Variants in MACROD1 observed in about 807,000 individuals in gnomAD.
MACROD1 encodes the protein mono-ADP ribosylhydrolase 1, also known as ADP-ribose glycohydrolase MACROD1.
A neutral mutation model predicts 41.4 loss-of-function variants in MACROD1; 31 were observed. The ratio of observed to expected loss-of-function variants is 0.75; its 90% CI spans 0.56 to 1.01. The LOEUF (loss-of-function observed/expected upper bound fraction) is 1.01, where lower values mean the gene tolerates loss of function less well. MACROD1 is among the 50% of genes least tolerant of loss of function. The pLI is 0.00. For synonymous variants in MACROD1, 252 were observed against 203.4 expected (o/e 1.24, Z -2.03); for missense variants, 473 against 460.0 (o/e 1.03, Z -0.26).
Position 64,068,502 on chromosome 11 carries a change from T to C in MACROD1, c.518-53221A>G, listed in dbSNP as rs570453777. Among the ~76,000 whole-genome samples the C allele has an allele frequency of 5.3e-5, 8 of 152,250 alleles. No individual in the cohort carries two copies. In the East Asian group the frequency reaches 1.2e-3, roughly 22 times the overall value. On this transcript the variant is annotated intron_variant, in intron 3 of 10. Transcript: ENST00000255681. ...ATTGGAGCCCTCCACAAACATGAGGTCCTAGGATAACGATGGTTGTCTCCC... is the reference window on the plus strand; with the variant it reads ...ATTGGAGCCCTCCACAAACATGAGGCCCTAGGATAACGATGGTTGTCTCCC...
rs11354064 is a variant in MACROD1, at chr11:64,072,423, T to TA, written c.518-57143dup. ...AGAAGGTCAGCTGATCCGGCTCATT[T>TA]AAAAAAAAAAAAATAATAATTACAT... On this transcript the variant is annotated intron_variant, in intron 3 of 10. Transcript: ENST00000255681. Among the ~76,000 whole-genome samples the TA allele has an allele frequency of 2.0e-3, 300 of 146,572 alleles. 2 individuals carry two copies. The highest frequency in any genetic ancestry group is 0.01 in the Middle Eastern group (3 of 290).
intron 3 of MACROD1, chr11:64,119,273 A>C (rs1459878642): frequency 3.2e-5 from 5 of 155,430 alleles, no homozygotes; most frequent in East Asian, 1.9e-4. Flanking sequence ...CTGTTCCTAA[A>C]GGCTGAGGTG....
intron 6 of MACROD1, 24 bp from the exon 7 acceptor site, chr11:63,999,584 G>A: frequency 6.2e-7 from 1 of 1,610,528 alleles, no homozygotes; most frequent in Non-Finnish European, 8.5e-7. Flanking sequence ...GGTGAGAGGG[G>A]GTTGGAACAT....
At chr11:64,130,588 T>A (rs1461114055) in intron 3 of MACROD1, among the ~76,000 whole-genome samples, 1 of 152,152 alleles carries the variant, frequency 6.6e-6, no homozygotes, top group African/African-American at 2.4e-5. Flanking sequence ...CCCGGACGCA[T>A]GGGAGGGCAC....
chr11:64,079,346 G>A (rs987159197), intron 3 of MACROD1, among the ~76,000 whole-genome samples: 91 of 151,882 alleles, frequency 6.0e-4, no homozygotes, highest in African/African-American at 2.1e-3. Flanking sequence ...GGGAGGTTAC[G>A]GTTAAAGGGG....
At chr11:64,101,022 G>A (rs1214050400) in intron 3 of MACROD1, among the ~76,000 whole-genome samples, 1 of 152,170 alleles carries the variant, frequency 6.6e-6, no homozygotes, top group East Asian at 1.9e-4. Flanking sequence ...TGAGCCAGGT[G>A]CTGGGGGATC....
At chr11:64,116,834 G>C (rs775202762) in intron 3 of MACROD1, 2 of 1,612,862 alleles carry the variant, frequency 1.2e-6, no homozygotes, top group South Asian at 1.1e-5. Flanking sequence ...GGAACCACCT[G>C]AGCAGCATCC....
In MACROD1 at chr11:64,099,823, GGATA is replaced by G. The variant is rs772698385; in HGVS notation, c.517+51412_517+51415del. On this transcript the variant is annotated intron_variant, in intron 3 of 10. Transcript: ENST00000255681. Reference sequence around the variant, plus strand: ...AGGATGGACGGATGGAGAGGTGAATGGATAGATGGATGGATGGATGGATGAATGA... The same window carrying G: ...AGGATGGACGGATGGAGAGGTGAATGGATGGATGGATGGATGGATGAATGA... Among the ~76,000 whole-genome samples the G allele has an allele frequency of 6.6e-5, 10 of 151,364 alleles. No individual in the cohort carries two copies. In the East Asian group the frequency reaches 9.8e-4, roughly 15 times the overall value.
At chr11:64,018,808 G>A (rs933303607) in intron 3 of MACROD1, among the ~76,000 whole-genome samples, 6 of 152,182 alleles carry the variant, frequency 3.9e-5, no homozygotes, top group Non-Finnish European at 7.3e-5. Flanking sequence ...GTGGGCCCAG[G>A]AGCACTGGTT....
At chr11:64,016,284 G>A (rs190270364) in intron 3 of MACROD1, among the ~76,000 whole-genome samples, 1 of 152,222 alleles carries the variant, frequency 6.6e-6, no homozygotes, top group Non-Finnish European at 1.5e-5. Flanking sequence ...GCCCCGATCC[G>A]CAGCCTGCGT....
intron 3 of MACROD1, among the ~76,000 whole-genome samples, chr11:64,143,703 A>C (rs1945445696): frequency 6.6e-6 from 1 of 151,186 alleles, no homozygotes; most frequent in Non-Finnish European, 1.5e-5. Flanking sequence ...TCAACCAAAA[A>C]AAAGAGAACA....
chr11:64,028,941 A>G (rs561276775), intron 3 of MACROD1, among the ~76,000 whole-genome samples: 2 of 152,216 alleles, frequency 1.3e-5, no homozygotes, highest in East Asian at 3.9e-4. Flanking sequence ...AGGGCAGGTG[A>G]GGGGTCCCAG....
Position 64,166,041 on chromosome 11 carries a change from C to T in MACROD1, c.-47G>A. 1 of 1,245,168 alleles carries T rather than the reference C, an allele frequency of 8.0e-7. No individual in the cohort carries two copies. Among genetic ancestry groups the T allele is most frequent in the East Asian group, 3.2e-5 (1 of 31,660 alleles). The allele number at this position is 1,245,168 out of a possible 1,614,324, so 77.1% of individuals were successfully genotyped here. On this transcript the variant is annotated 5_prime_UTR_variant, in exon 1 of 11. Transcript: ENST00000255681. Reference sequence around the variant, plus strand: ...TCTCCGCCCACTTGGACTCTATTTACGGCGCTCGGGAGTGTCTCTCCCTTA... The same window carrying T: ...TCTCCGCCCACTTGGACTCTATTTATGGCGCTCGGGAGTGTCTCTCCCTTA...
rs891797665 is a variant in MACROD1 at position 64,096,596 on chromosome 11, A to G, written c.517+54643T>C. 6.6e-6 allele frequency among the ~76,000 whole-genome samples: 1 copy of G among 151,730 alleles called. No homozygotes were observed. Among genetic ancestry groups the G allele is most frequent in the African/African-American group, 2.4e-5 (1 of 41,282 alleles). ...ACGCCCAGCTAATTTTTTTATTTTTAGTAGACACGGGGGTATCAACATGTT... is the reference window on the plus strand; with the variant it reads ...ACGCCCAGCTAATTTTTTTATTTTTGGTAGACACGGGGGTATCAACATGTT... On this transcript the variant is annotated intron_variant, in intron 3 of 10. Transcript: ENST00000255681. This position sits in a 1 kb window ranked among gnomAD's most constrained non-coding sequence, Gnocchi z 4.6.
At chr11:64,062,751 G>A (rs1943928506) in intron 3 of MACROD1, among the ~76,000 whole-genome samples, 2 of 152,148 alleles carry the variant, frequency 1.3e-5, no homozygotes, top group Admixed American at 1.3e-4. Context: ...GGCCCCAGAT[G>A]CCCACCCCAA....
intron 3 of MACROD1, among the ~76,000 whole-genome samples, chr11:64,030,809 G>A (rs374185127): frequency 6.6e-6 from 1 of 151,986 alleles, no homozygotes; most frequent in African/African-American, 2.4e-5. Flanking sequence ...CCAGCTACTC[G>A]GGAGGCTGAG....
chr11:64,026,398 C>G (rs1943224682), intron 3 of MACROD1, among the ~76,000 whole-genome samples: 1 of 152,206 alleles, frequency 6.6e-6, no homozygotes, highest in Non-Finnish European at 1.5e-5. Context: ...CACTGACCCA[C>G]AGTCAAGCAT....
chr11:64,162,684 G>A (rs555850235), intron 1 of MACROD1, among the ~76,000 whole-genome samples: 12 of 150,982 alleles, frequency 7.9e-5, no homozygotes, highest in East Asian at 2.0e-4. Flanking sequence ...GCATGGTGAC[G>A]GGCACCTGTA....
intron 3 of MACROD1, chr11:64,148,720 G>T (rs1007398729): frequency 1.0e-6 from 1 of 985,596 alleles, no homozygotes; most frequent in Non-Finnish European, 1.2e-6. Context: ...CACAGACGCA[G>T]ATTTATGCAG....
Sources: gnomAD v4.1 joint callset for allele counts (sites outside exome capture counted in the v4.1 genomes callset) on GRCh38, gnomAD v4.1.1 for gene constraint, Gnocchi (gnomAD v3.1) non-coding constraint, MANE v1.5 for transcripts, NCBI Gene and HGNC (gene_info 2026-07-23, HGNC 2026-07-21) for gene names.